Variants in CHRD observed in about 807,000 individuals in gnomAD.
CHRD encodes the protein chordin.
A neutral mutation model predicts 113.7 loss-of-function variants in CHRD; 69 were observed. The observed-to-expected ratio is 0.61, with a 90% CI of 0.50 to 0.74. The LOEUF is 0.74. Ranked by LOEUF, CHRD falls within the 30% of genes least tolerant of loss-of-function variation. CHRD has a pLI of 0.00. For synonymous variants in CHRD, 561 were observed against 540.8 expected (o/e 1.04, Z -0.52); for missense variants, 1,194 against 1,295.8 (o/e 0.92, Z 1.21).
rs149507891 is a variant in CHRD at position 184,385,018 on chromosome 3, C to T, written c.1598C>T (p.Thr533Met). Residue 533 changes from threonine (T) to methionine (M), a missense_variant and splice_region_variant, in exon 14 of 23, where the codon ACG becomes ATG. Coordinates refer to ENST00000204604, the Ensembl canonical transcript of CHRD. ...TCATCTCTCCTCTGTCTGGACCCAG[C>T]GCTGCCCGTGCCCCTAGCAGGAGCC... 172 of 1,613,626 alleles carry T rather than the reference C, an allele frequency of 1.1e-4. No homozygotes were observed. The African/African-American group carries it at 1.9e-3, about 18-fold the overall frequency.
intron 14 of CHRD, among the ~76,000 whole-genome samples, chr3:184,385,705 T>C (rs1433631488): frequency 7.3e-6 from 1 of 136,166 alleles, no homozygotes. Flanking sequence ...AGAGCTGGCA[T>C]GGGCTTGGGA....
At chr3:184,382,043 C>A (rs370396585) in intron 6 of CHRD, 23 bp downstream of exon 6, 97 of 1,612,562 alleles carry the variant, frequency 6.0e-5, no homozygotes, top group Middle Eastern at 3.7e-4. Flanking sequence ...CATTTATGAG[C>A]ACTTGCCCAG....
At position 184,384,920 on chromosome 3, in the gene CHRD, A is replaced by G; in HGVS notation, c.1598-98A>G. 7.4e-7 allele frequency: 1 copy of G among 1,351,140 alleles called. No individual in the cohort carries two copies. Among genetic ancestry groups the G allele is most frequent in the Non-Finnish European group, 1.0e-6 (1 of 964,012 alleles). The allele number at this position is 1,351,140 out of a possible 1,614,324, so 83.7% of individuals were successfully genotyped here. A position where few individuals can be genotyped will look rare whatever the true frequency, so the allele number is the denominator to read the frequency against. On this transcript the variant is annotated intron_variant, in intron 13 of 22. Coordinates refer to ENST00000204604, the Ensembl canonical transcript of CHRD. The surrounding 1 kb of genome is among the most constrained non-coding windows in gnomAD (Gnocchi z 4.4). ...CCTGGACCTATGGACAGTGTCTTCC[A>G]GCTCGTGGAATGTGTGCTGGGGAGC...
intron 6 of CHRD, 157 bp downstream of exon 6, chr3:184,382,177 G>A (rs1577387211): frequency 1.6e-6 from 2 of 1,221,668 alleles, no homozygotes; most frequent in Non-Finnish European, 1.2e-6. Flanking sequence ...GGCTCAGTAG[G>A]ATAATGTGAT....
chr3:184,383,469 GC>G (rs1378266617), intron 11 of CHRD, 51 bp downstream of exon 11: 1 of 1,613,004 alleles, frequency 6.2e-7, no homozygotes, highest in Admixed American at 1.7e-5. Flanking sequence ...TGGGCAGCAG[GC>G]CCCAGGCCTT....
chr3:184,382,380 C>A lies in CHRD; in HGVS notation c.700-9C>A. The A allele has an allele frequency of 6.2e-7, 1 of 1,614,194 alleles. No individual in the cohort carries two copies. The highest frequency in any genetic ancestry group is 8.5e-7 in the Non-Finnish European group (1 of 1,180,020). On this transcript the variant is annotated splice_polypyrimidine_tract_variant and intron_variant, in intron 6 of 22. Coordinates refer to ENST00000204604, the Ensembl canonical transcript of CHRD. ...CTGAGCGTAGGGCCTTCTTGTCTCT[C>A]TGCTCCAGGTCTGTGGGGTGTGGCG... is the stretch of plus-strand genomic sequence containing the variant.
chr3:184,387,334 G>T lies in CHRD; in HGVS notation c.2348-40G>T. On this transcript the variant is annotated intron_variant, in intron 18 of 22. Transcript: ENST00000204604. The surrounding 1 kb of genome is among the most constrained non-coding windows in gnomAD (Gnocchi z 6.1). ...AGCCTTGGTTGTGGGCCCAGCTGAT[G>T]AGCTCATACTAATGGCTGCTGGGCC... 1 of 1,573,976 alleles carries T rather than the reference G, an allele frequency of 6.4e-7. No individual in the cohort carries two copies. Among genetic ancestry groups the T allele is most frequent in the South Asian group, 1.2e-5 (1 of 84,386 alleles).
chr3:184,389,427 C>T (rs769205822), exon 23 of CHRD: 1 of 1,613,036 alleles, frequency 6.2e-7, no homozygotes, highest in Non-Finnish European at 8.5e-7. Flanking sequence ...TCTTAGGGAG[C>T]AGCCAGAGGG....
rs764710080 is a variant in CHRD, at chr3:184,389,014, G to C, written c.2812+19G>C. ...CGGCGGCGTAAGTGAGGGAGTCCAG[G>C]GTCAGCAGCTGTGAGTGGAGGGCTC... On this transcript the variant is annotated intron_variant, in intron 22 of 22. Coordinates refer to ENST00000204604, the Ensembl canonical transcript of CHRD. 4 of 1,572,096 alleles carry C rather than the reference G, an allele frequency of 2.5e-6. No individual in the cohort carries two copies. In the South Asian group the frequency reaches 4.4e-5, roughly 17 times the overall value.
At chr3:184,382,324 G>A in intron 6 of CHRD, 65 bp from the exon 7 acceptor site, 2 of 1,597,530 alleles carry the variant, frequency 1.3e-6, no homozygotes, top group Non-Finnish European at 1.7e-6. Flanking sequence ...GCCCTGCCTG[G>A]GCATCCTAAT....
exon 11 of CHRD, chr3:184,383,326 C>T (rs752212094): frequency 6.2e-7 from 1 of 1,613,700 alleles, no homozygotes; most frequent in South Asian, 1.1e-5. Context: ...GCAAAGTGTC[C>T]TTTGTGGGGC....
Position 184,380,347 on chromosome 3 carries a change from CG to C in CHRD, c.30del (p.Leu11CysfsTer58). On this transcript the variant is annotated frameshift_variant, in exon 1 of 23. Transcript: ENST00000204604. LOFTEE classifies it high-confidence loss of function. This position sits in a 1 kb window ranked among gnomAD's most constrained non-coding sequence, Gnocchi z 6.3. ...CCGAGCCTCCCGGCCCCGCCGGCCC[CG>C]CTGCTGCTCCTCGGGCTGCTGCTGC... 1 of 1,356,778 alleles carries C rather than the reference CG, an allele frequency of 7.4e-7. No homozygotes were observed. Among genetic ancestry groups the C allele is most frequent in the Non-Finnish European group, 9.6e-7 (1 of 1,044,616 alleles). 84.0% of individuals were successfully genotyped at this position (1,356,778 alleles called of 1,614,324 possible). A position where few individuals can be genotyped will look rare whatever the true frequency, so the allele number is the denominator to read the frequency against.
rs753491638 is a variant in CHRD, at chr3:184,386,578, T to TACAGCCTCTGCTGCGCC, written c.2020_2036dup (p.Pro680GlnfsTer15). The TACAGCCTCTGCTGCGCC allele has an allele frequency of 6.3e-7, 1 of 1,582,614 alleles. No homozygotes were observed. The highest frequency in any genetic ancestry group is 1.1e-5 in the South Asian group (1 of 87,898). On this transcript the variant is annotated frameshift_variant, in exon 16 of 23. Transcript: ENST00000204604. LOFTEE classifies it high-confidence loss of function. ...GGGTGCGGGCGCTGGGGGCTCCGGA[T>TACAGCCTCTGCTGCGCC]ACAGCCTCTGCTGCGCCGCCTGTGG...
At position 184,383,308 on chromosome 3, in the gene CHRD, G is replaced by A. The variant is rs755482474; in HGVS notation, c.1214-4G>A. On this transcript the variant is annotated splice_region_variant and splice_polypyrimidine_tract_variant and intron_variant, in intron 10 of 22. Coordinates refer to ENST00000204604, the Ensembl canonical transcript of CHRD. Reference sequence around the variant, plus strand: ...CTAGCCTCACCTGTCTTGCCCCTCCGTAGTCCTGCAAAGTGTCCTTTGTGG... The same window carrying A: ...CTAGCCTCACCTGTCTTGCCCCTCCATAGTCCTGCAAAGTGTCCTTTGTGG... 14 of 1,612,626 alleles carry A rather than the reference G, an allele frequency of 8.7e-6. No individual in the cohort carries two copies. Among genetic ancestry groups the A allele is most frequent in the Middle Eastern group, 1.8e-4 (1 of 5,544 alleles).
chr3:184,381,749 A>T lies in CHRD; in HGVS notation c.545A>T (p.Gln182Leu). ...GCGCTGCTGACAGGGCCGAGGTCGC[A>T]GGCGGTGGCACGAGCCCGAGTCTCG... The change falls in exon 5 of 23, where the codon CAG (glutamine) becomes CTG (leucine). Residue 182 changes from glutamine (Q) to leucine (L), a missense_variant. By Grantham distance (113) the Gln-to-Leu change is moderately radical. Coordinates refer to ENST00000204604, the Ensembl canonical transcript of CHRD. This position sits in a 1 kb window ranked among gnomAD's most constrained non-coding sequence, Gnocchi z 4.7. 2 of 1,613,114 alleles carry T rather than the reference A, an allele frequency of 1.2e-6. No individual in the cohort carries two copies. The highest frequency in any genetic ancestry group is 1.1e-5 in the South Asian group (1 of 91,054).
At chr3:184,382,689 C>T (rs376828858) in exon 8 of CHRD, 2 of 1,613,908 alleles carry the variant, frequency 1.2e-6, no homozygotes, top group South Asian at 1.1e-5. Flanking sequence ...GCGTAGGGGG[C>T]ATCACCCTGC....
chr3:184,384,764 G>T lies in CHRD; in HGVS notation c.1597+71G>T. 6.7e-7 allele frequency: 1 copy of T among 1,488,560 alleles called. No homozygotes were observed. 92.2% of individuals were successfully genotyped at this position (1,488,560 alleles called of 1,614,324 possible). On this transcript the variant is annotated intron_variant, in intron 13 of 22. Coordinates refer to ENST00000204604, the Ensembl canonical transcript of CHRD. The surrounding 1 kb of genome is among the most constrained non-coding windows in gnomAD (Gnocchi z 4.4). The stretch of plus-strand genomic sequence containing the variant: ...TTTGAGGGATGGTGGCAGACAGCCG[G>T]AGCCTGGTGTGTCTTTCTTTGTGCC...
In CHRD at chr3:184,388,421, ATCCATCCATCCG is replaced by A. The variant is rs1431355413; in HGVS notation, c.2555-162_2555-151del. On this transcript the variant is annotated intron_variant, in intron 20 of 22. Coordinates refer to ENST00000204604, the Ensembl canonical transcript of CHRD. This position sits in a 1 kb window ranked among gnomAD's most constrained non-coding sequence, Gnocchi z 6.1. Reference sequence around the variant, plus strand: ...CATCCATCCATCCATCCATCCATCCATCCATCCATCCGTCCCTTCATCCATCCATTCATCTGC... The same window carrying A: ...CATCCATCCATCCATCCATCCATCCATCCCTTCATCCATCCATTCATCTGC... 7.3e-6 allele frequency among the ~76,000 whole-genome samples: 1 copy of A among 136,270 alleles called. No individual in the cohort carries two copies. The highest frequency in any genetic ancestry group is 1.7e-5 in the Non-Finnish European group (1 of 59,290). 89.4% of individuals were successfully genotyped at this position (136,270 alleles called of 152,430 possible).
chr3:184,380,066 C>G (rs1283336911), upstream of CHRD: 1 of 145,578 alleles, frequency 6.9e-6, no homozygotes, highest in Non-Finnish European at 1.5e-5. The surrounding 1 kb of genome is among the most constrained non-coding windows in gnomAD (Gnocchi z 6.3). Context: ...AGTAGAGCCG[C>G]GTACGGCCCG....
Sources: gnomAD v4.1 joint callset for allele counts (sites outside exome capture counted in the v4.1 genomes callset) on GRCh38, gnomAD v4.1.1 for gene constraint, Gnocchi (gnomAD v3.1) non-coding constraint, MANE v1.5 for transcripts, NCBI Gene and HGNC (gene_info 2026-07-23, HGNC 2026-07-21) for gene names.